CAMKMT: variants seen among roughly 807,000 people sequenced by gnomAD.
CAMKMT encodes the protein CaM KMT.
Under a neutral mutation model 48.0 loss-of-function variants are expected in CAMKMT, and 53 were observed. The ratio of observed to expected loss-of-function variants is 1.10; its 90% CI spans 0.89 to 1.39. The LOEUF (loss-of-function observed/expected upper bound fraction) is 1.39, where lower values mean the gene tolerates loss of function less well. Ranked by LOEUF, CAMKMT falls within the 40% of genes most tolerant of loss-of-function variation. The pLI, the probability that CAMKMT is intolerant of heterozygous loss-of-function variation, is 0.00. For synonymous variants in CAMKMT, 165 were observed against 152.3 expected (o/e 1.08, Z -0.61); for missense variants, 428 against 402.7 (o/e 1.06, Z -0.54).
rs1194543446 is a variant in CAMKMT at position 44,657,654 on chromosome 2, T to TA, written c.377-46627dup. 6.6e-6 allele frequency among the ~76,000 whole-genome samples: 1 copy of TA among 152,190 alleles called. No individual in the cohort carries two copies. Among genetic ancestry groups the TA allele is most frequent in the East Asian group, 1.9e-4 (1 of 5,200 alleles). On this transcript the variant is annotated intron_variant, in intron 3 of 10. Transcript: ENST00000378494. This position sits in a 1 kb window ranked among gnomAD's most constrained non-coding sequence, Gnocchi z 4.3. Reference sequence around the variant, plus strand: ...GTCTGAAAGCAGCTTATCACTTCACTAATACAGCAAAAGCAAGGCATTCTG... The same window carrying TA: ...GTCTGAAAGCAGCTTATCACTTCACTAAATACAGCAAAAGCAAGGCATTCTG...
intron 3 of CAMKMT, among the ~76,000 whole-genome samples, chr2:44,483,501 A>G (rs910258625): frequency 2.6e-5 from 4 of 152,158 alleles, no homozygotes; most frequent in African/African-American, 9.7e-5. Flanking sequence ...GTATATGAGT[A>G]GTCATAAATT....
At chr2:44,557,773 C>CT (rs1231416154) in intron 3 of CAMKMT, among the ~76,000 whole-genome samples, 2 of 151,988 alleles carry the variant, frequency 1.3e-5, no homozygotes, top group Admixed American at 6.6e-5. Context: ...TTTTAAGTCA[C>CT]TTTTTTTTAT....
chr2:44,415,245 A>G (rs1683476410), intron 3 of CAMKMT, among the ~76,000 whole-genome samples: 1 of 152,266 alleles, frequency 6.6e-6, no homozygotes, highest in Non-Finnish European at 1.5e-5. Flanking sequence ...CAACTGAGTT[A>G]CTAAAAGATT....
intron 9 of CAMKMT, among the ~76,000 whole-genome samples, chr2:44,761,374 GATAAAGGCATGGGGCCGGTC>G (rs1248929189): frequency 6.6e-6 from 1 of 152,166 alleles, no homozygotes; most frequent in African/African-American, 2.4e-5. Flanking sequence ...ACCAGGCTGC[GATAAAGGCATGGGGCCGGTC>G]ACGTGGGGCT....
At chr2:44,492,225 T>G (rs879920490) in intron 3 of CAMKMT, among the ~76,000 whole-genome samples, 13 of 152,180 alleles carry the variant, frequency 8.5e-5, no homozygotes, top group Non-Finnish European at 1.6e-4. Flanking sequence ...TATTCACCAG[T>G]GTCTTCTAAC....
chr2:44,504,528 T>G (rs1011607550), intron 3 of CAMKMT, among the ~76,000 whole-genome samples: 3 of 152,194 alleles, frequency 2.0e-5, no homozygotes, highest in Non-Finnish European at 4.4e-5. Context: ...ATGTGCTTCT[T>G]TCTGATTTTT....
chr2:44,696,131 C>T (rs980751710), intron 3 of CAMKMT, among the ~76,000 whole-genome samples: 2 of 152,016 alleles, frequency 1.3e-5, no homozygotes, highest in African/African-American at 4.8e-5. Flanking sequence ...TTAGTAGAAA[C>T]GGGGTTTCAC....
At chr2:44,740,058 T>A (rs1343826776) in intron 7 of CAMKMT, among the ~76,000 whole-genome samples, 1 of 151,488 alleles carries the variant, frequency 6.6e-6, no homozygotes, top group Non-Finnish European at 1.5e-5. Context: ...AATGTGTAGA[T>A]GCAGATGCTA....
chr2:44,692,230 G>A (rs991323640), intron 3 of CAMKMT, among the ~76,000 whole-genome samples: 1 of 151,942 alleles, frequency 6.6e-6, no homozygotes, highest in Non-Finnish European at 1.5e-5. Flanking sequence ...AACAGTAATA[G>A]CAGCAGCATC....
chr2:44,632,046 A>T (rs1015382457), intron 3 of CAMKMT, among the ~76,000 whole-genome samples: 15 of 152,092 alleles, frequency 9.9e-5, no homozygotes, highest in Middle Eastern at 3.2e-3. Flanking sequence ...ACCTCACAAT[A>T]CACTGGCATT....
At chr2:44,709,043 G>A (rs1347549187) in intron 6 of CAMKMT, among the ~76,000 whole-genome samples, 2 of 152,160 alleles carry the variant, frequency 1.3e-5, no homozygotes, top group Non-Finnish European at 2.9e-5. Context: ...AGCTTCCAAA[G>A]AAGGGAAGCA....
At chr2:44,549,962 C>T (rs1398393419) in intron 3 of CAMKMT, among the ~76,000 whole-genome samples, 1 of 152,060 alleles carries the variant, frequency 6.6e-6, no homozygotes, top group Non-Finnish European at 1.5e-5. Context: ...TTCTGACCTG[C>T]CTGAATTGAA....
chr2:44,443,058 T>C (rs550705153), intron 3 of CAMKMT, among the ~76,000 whole-genome samples: 2 of 152,314 alleles, frequency 1.3e-5, no homozygotes, highest in African/African-American at 4.8e-5. Context: ...AGGAAATACG[T>C]GTTTGAAGAT....
chr2:44,658,512 G>A (rs187880672), intron 3 of CAMKMT, among the ~76,000 whole-genome samples: 6 of 152,238 alleles, frequency 3.9e-5, no homozygotes, highest in South Asian at 2.1e-4. Context: ...GCGTGACGTC[G>A]CGTGAAGACC....
intron 3 of CAMKMT, among the ~76,000 whole-genome samples, chr2:44,664,065 T>C (rs1461958396): frequency 1.3e-5 from 2 of 152,244 alleles, no homozygotes; most frequent in African/African-American, 2.4e-5. Context: ...TTTTTCTGAA[T>C]TCTTCAGTCT....
intron 5 of CAMKMT, among the ~76,000 whole-genome samples, chr2:44,707,190 T>G (rs1677610098): frequency 6.6e-6 from 1 of 151,888 alleles, no homozygotes; most frequent in Non-Finnish European, 1.5e-5. Context: ...GATAGCAAGA[T>G]AGAGGCTCCC....
intron 3 of CAMKMT, among the ~76,000 whole-genome samples, chr2:44,669,699 A>C (rs1024801497): frequency 6.6e-6 from 1 of 151,826 alleles, no homozygotes; most frequent in African/African-American, 2.4e-5. Context: ...GTGCAGTGGC[A>C]CAATCCCGGC....
intron 3 of CAMKMT, among the ~76,000 whole-genome samples, chr2:44,446,950 T>C (rs1213926999): frequency 1.3e-5 from 2 of 152,238 alleles, no homozygotes; most frequent in African/African-American, 4.8e-5. Context: ...CACGTTAGCA[T>C]TTATGAAGGT....
At chr2:44,478,222 CAAT>C (rs1668786986) in intron 3 of CAMKMT, among the ~76,000 whole-genome samples, 1 of 152,110 alleles carries the variant, frequency 6.6e-6, no homozygotes, top group South Asian at 2.1e-4. Context: ...GTCAGCATTT[CAAT>C]AATAATTTTA....
Sources: gnomAD v4.1 joint callset for allele counts (sites outside exome capture counted in the v4.1 genomes callset) on GRCh38, gnomAD v4.1.1 for gene constraint, Gnocchi (gnomAD v3.1) non-coding constraint, MANE v1.5 for transcripts, NCBI Gene and HGNC (gene_info 2026-07-23, HGNC 2026-07-21) for gene names.